Variants in RTL9 observed in about 807,000 individuals in gnomAD.
RTL9 encodes the protein retrotransposon Gag like 9.
RTL9 carries 19 observed loss-of-function variants against 44.7 expected under a neutral mutation model. The observed-to-expected ratio is 0.42, with a 90% CI of 0.30 to 0.62. The LOEUF (loss-of-function observed/expected upper bound fraction) is 0.62, where lower values mean the gene tolerates loss of function less well. Ranked by LOEUF, RTL9 falls within the 20% of genes least tolerant of loss-of-function variation. The probability of loss-of-function intolerance (pLI) is 0.16; values close to 1 mark genes in which losing one functional copy is unlikely to be tolerated. For synonymous variants in RTL9, 407 were observed against 398.9 expected (o/e 1.02, Z -0.24); for missense variants, 1,105 against 1,080.6 (o/e 1.02, Z -0.32).
At chrX:110,444,798 C>T (rs768516419) in intron 1 of RTL9, among the ~76,000 whole-genome samples, 2 of 112,310 alleles carry the variant, frequency 1.8e-5, no homozygotes, top group Admixed American at 9.4e-5. Context: ...TTACCTGCTT[C>T]GCAATCTGCA....
chrX:110,454,724 G>T (rs1238805066), intron 1 of RTL9, 60 bp downstream of exon 3: 5 of 980,530 alleles, frequency 5.1e-6, no homozygotes, highest in Admixed American at 6.3e-5. Context: ...GTCACGACAG[G>T]GAATACATCC....
At chrX:110,399,709 T>G (rs1465803220) in intron 1 of RTL9, among the ~76,000 whole-genome samples, 5 of 111,745 alleles carry the variant, frequency 4.5e-5, no homozygotes. Flanking sequence ...CTTGGGAGGC[T>G]CAGAAAAACA....
intron 1 of RTL9, among the ~76,000 whole-genome samples, chrX:110,434,040 T>C (rs2068818180): frequency 9.0e-6 from 1 of 111,455 alleles, no homozygotes; most frequent in African/African-American, 3.3e-5. Context: ...TGAGGAAGTC[T>C]CCACGAATGA....
Position 110,371,995 on chromosome X carries a change from C to T in RTL9, c.-168+13079C>T, listed in dbSNP as rs755659866. Among the ~76,000 whole-genome samples, 4 of 111,695 alleles carry T rather than the reference C, an allele frequency of 3.6e-5. No individual in the cohort carries two copies. In the South Asian group the frequency reaches 1.5e-3, roughly 42 times the overall value. ...TTTACTGTTACCAATGCCTTCAACTCCCTTGTGTACTTGGTGTACTCCCCA... is the reference window on the plus strand; with the variant it reads ...TTTACTGTTACCAATGCCTTCAACTTCCTTGTGTACTTGGTGTACTCCCCA... On this transcript the variant is annotated intron_variant, in intron 1 of 2. Coordinates refer to the RTL9 transcript ENST00000520821.
In RTL9 at chrX:110,452,386, C is replaced by T. The variant is rs144825978; in HGVS notation, c.1769C>T (p.Thr590Met). ...GCCCAAACCTCTGGATCAACATCCA[C>T]GCTGTTAATGAGAGACACAGCCTCA... The change falls in exon 1 of 2, where the codon ACG (threonine) becomes ATG (methionine). Residue 590 changes from threonine to methionine, a missense_variant. Thr to Met is a moderately conservative substitution (Grantham distance 81, BLOSUM62 -1). Coordinates refer to ENST00000540313, the Ensembl canonical transcript of RTL9. 1,741 of 1,209,807 alleles carry T rather than the reference C, an allele frequency of 1.4e-3. 18 individuals carry two copies. In the African/African-American group the frequency reaches 0.027, roughly 19 times the overall value.
intron 1 of RTL9, among the ~76,000 whole-genome samples, chrX:110,394,459 C>T (rs1482984633): frequency 2.4e-4 from 27 of 112,005 alleles, no homozygotes; most frequent in African/African-American, 7.1e-4. Context: ...CACCATGTTG[C>T]CCAGGCTGGT....
intron 1 of RTL9, among the ~76,000 whole-genome samples, chrX:110,407,847 G>A (rs2068613788): frequency 8.9e-6 from 1 of 112,557 alleles, no homozygotes; most frequent in Admixed American, 9.4e-5. Context: ...ATATCAGAAG[G>A]GGATCTAGCT....
chrX:110,380,874 G>T (rs867931464), intron 1 of RTL9, among the ~76,000 whole-genome samples: 1 of 112,362 alleles, frequency 8.9e-6, no homozygotes, highest in Admixed American at 9.4e-5. Context: ...AAATGGTGCT[G>T]GGATAACTGG....
intron 1 of RTL9, among the ~76,000 whole-genome samples, chrX:110,420,011 G>T (rs2068705552): frequency 9.0e-6 from 1 of 111,483 alleles, no homozygotes; most frequent in African/African-American, 3.3e-5. Flanking sequence ...GTTAAGAAAA[G>T]TGCCCAAGGT....
At chrX:110,382,731 C>T (rs920366844) in intron 1 of RTL9, among the ~76,000 whole-genome samples, 1 of 111,801 alleles carries the variant, frequency 8.9e-6, no homozygotes, top group African/African-American at 3.3e-5. Flanking sequence ...CTCATTCCTA[C>T]AAGTCTACCC....
intron 1 of RTL9, among the ~76,000 whole-genome samples, chrX:110,401,061 G>A (rs2068561224): frequency 1.8e-5 from 2 of 112,220 alleles, no homozygotes; most frequent in Non-Finnish European, 3.8e-5. Flanking sequence ...GTCTCAAGTC[G>A]ATGTTTTTAT....
chrX:110,362,799 T>G (rs753521995), intron 1 of RTL9, among the ~76,000 whole-genome samples: 1 of 112,413 alleles, frequency 8.9e-6, no homozygotes, highest in Admixed American at 9.5e-5. Context: ...CATTATTTTA[T>G]ATAGTCTTCC....
intron 1 of RTL9, among the ~76,000 whole-genome samples, chrX:110,394,826 A>T (rs1342570354): frequency 4.4e-5 from 5 of 112,852 alleles, no homozygotes; most frequent in Non-Finnish European, 9.4e-5. Context: ...CTTCTGTGAC[A>T]TTCTACTAGG....
chrX:110,396,955 C>G (rs2068532659), intron 1 of RTL9, among the ~76,000 whole-genome samples: 1 of 111,776 alleles, frequency 8.9e-6, no homozygotes. Context: ...TACAGGCAGG[C>G]TGGCCACACC....
At chrX:110,404,167 G>T (rs768319696) in intron 1 of RTL9, among the ~76,000 whole-genome samples, 42 of 112,370 alleles carry the variant, frequency 3.7e-4, no homozygotes, top group African/African-American at 1.2e-3. Context: ...AAGAACAGTT[G>T]GTCAGGCTCC....
At chrX:110,453,975 A>G in exon 1 of RTL9, 1 of 1,211,921 alleles carries the variant, frequency 8.3e-7, no homozygotes, top group Non-Finnish European at 1.1e-6. Context: ...ATCAAAGCCC[A>G]CATCGCACAT....
intron 1 of RTL9, among the ~76,000 whole-genome samples, chrX:110,407,480 C>G: frequency 8.9e-6 from 1 of 112,502 alleles, no homozygotes; most frequent in Admixed American, 9.4e-5. Flanking sequence ...AAATAACAAC[C>G]ATTTACTAGC....
upstream of RTL9, chrX:110,450,441 T>C (rs2068932126): frequency 9.1e-6 from 4 of 439,061 alleles, no homozygotes; most frequent in Admixed American, 3.6e-5. Flanking sequence ...TTTAATCTGA[T>C]AGCCTCACCT....
At chrX:110,442,274 T>TGTGTGC (rs1556214430) in intron 1 of RTL9, among the ~76,000 whole-genome samples, 1 of 109,093 alleles carries the variant, frequency 9.2e-6, no homozygotes, top group Admixed American at 9.9e-5. Flanking sequence ...TGTGTGTGTG[T>TGTGTGC]GTGTGTGTGT....
Sources: gnomAD v4.1 joint callset for allele counts (sites outside exome capture counted in the v4.1 genomes callset) on GRCh38, gnomAD v4.1.1 for gene constraint, MANE v1.5 for transcripts, NCBI Gene and HGNC (gene_info 2026-07-23, HGNC 2026-07-21) for gene names.